NBEA: variants seen among roughly 807,000 people sequenced by gnomAD.
The protein encoded by NBEA is neurobeachin.
Under a neutral mutation model 343.4 loss-of-function variants are expected in NBEA, and 44 were observed. That is an observed-to-expected ratio of 0.13 (90% CI 0.10 to 0.16). The LOEUF is 0.16. Among genes scored for constraint, NBEA ranks in the 10% least tolerant of loss-of-function variants. The pLI, the probability that NBEA is intolerant of heterozygous loss-of-function variation, is 1.00. For synonymous variants in NBEA, 1,175 were observed against 1,238.7 expected, an observed-to-expected ratio of 0.95 and a Z score of 1.08; for missense variants, 2,555 against 3,631.3, an observed-to-expected ratio of 0.70 and a Z score of 7.62.
chr13:35,661,966 A>G lies in NBEA; in HGVS notation c.8363-3119A>G, dbSNP rs548282149. On this transcript the variant is annotated intron_variant, in intron 55 of 58. Coordinates refer to ENST00000379939, the MANE Select transcript of NBEA (RefSeq NM_001385012.1). Reference sequence around the variant, plus strand: ...CTGGCTTTGTTTAGTTCTAAATCAGAAAGACCACAGCTTCCCCTGCATATC... The same window carrying G: ...CTGGCTTTGTTTAGTTCTAAATCAGGAAGACCACAGCTTCCCCTGCATATC... Among the ~76,000 whole-genome samples, 5 of 152,298 alleles carry G rather than the reference A, an allele frequency of 3.3e-5. No homozygotes were observed. In the South Asian group the frequency reaches 1.0e-3, roughly 32 times the overall value.
chr13:35,666,901 C>T (rs190041702), intron 56 of NBEA, among the ~76,000 whole-genome samples: 40 of 152,180 alleles, frequency 2.6e-4, no homozygotes, highest in Admixed American at 1.0e-3. Flanking sequence ...ACATTTTATG[C>T]GTATGGATGA....
At chr13:35,160,649 A>G (rs1217200468) in intron 22 of NBEA, among the ~76,000 whole-genome samples, 1 of 152,188 alleles carries the variant, frequency 6.6e-6, no homozygotes, top group African/African-American at 2.4e-5. Context: ...TTTCTGTTCA[A>G]CCACATGAAT....
chr13:35,245,633 AG>A (rs2031069260), intron 34 of NBEA, among the ~76,000 whole-genome samples: 1 of 152,156 alleles, frequency 6.6e-6, no homozygotes, highest in Non-Finnish European at 1.5e-5. Context: ...TCTAGCTTGT[AG>A]GGTTTCTGCT....
intron 38 of NBEA, among the ~76,000 whole-genome samples, chr13:35,394,911 T>C (rs1225737599): frequency 6.6e-6 from 1 of 152,216 alleles, no homozygotes; most frequent in African/African-American, 2.4e-5. Context: ...AGTTTCCTTC[T>C]ACACACTGCC....
chr13:35,306,701 CTCTT>C (rs1400724613), intron 35 of NBEA, among the ~76,000 whole-genome samples: 1 of 151,976 alleles, frequency 6.6e-6, no homozygotes, highest in African/African-American at 2.4e-5. Flanking sequence ...AGGGTCCTTT[CTCTT>C]TCTGTTTTCC....
chr13:35,574,895 G>A (rs769113153), intron 45 of NBEA, among the ~76,000 whole-genome samples: 3 of 151,786 alleles, frequency 2.0e-5, no homozygotes, highest in Admixed American at 6.6e-5. Context: ...GATTAAAGGC[G>A]TGCACCACCA....
chr13:35,670,456 G>T (rs74042815), intron 58 of NBEA, among the ~76,000 whole-genome samples: 1 of 152,162 alleles, frequency 6.6e-6, no homozygotes, highest in South Asian at 2.1e-4. Context: ...TTGCCTTTAC[G>T]TCCAGGGAGA....
intron 1 of NBEA, among the ~76,000 whole-genome samples, chr13:34,992,264 T>TA (rs1555269629): frequency 2.0e-3 from 143 of 70,942 alleles, no homozygotes; most frequent in East Asian, 6.9e-3. Context: ...ATATATATAT[T>TA]TTTTTTTTTA....
intron 34 of NBEA, among the ~76,000 whole-genome samples, chr13:35,283,934 T>C (rs2035232738): frequency 6.6e-6 from 1 of 152,052 alleles, no homozygotes; most frequent in African/African-American, 2.4e-5. Context: ...TATGCATATG[T>C]TTTTCTTTTT....
At chr13:35,254,611 C>T (rs551413945) in intron 34 of NBEA, among the ~76,000 whole-genome samples, 3 of 151,992 alleles carry the variant, frequency 2.0e-5, no homozygotes, top group East Asian at 3.9e-4. Flanking sequence ...CATGAGCCAC[C>T]GTGCCAGGCC....
At chr13:35,218,159 C>T (rs2074167099) in intron 33 of NBEA, among the ~76,000 whole-genome samples, 1 of 152,062 alleles carries the variant, frequency 6.6e-6, no homozygotes, top group African/African-American at 2.4e-5. Context: ...TAGTCCTGTA[C>T]TCCCTGTATT....
At chr13:35,444,081 T>C (rs1001018370) in intron 39 of NBEA, among the ~76,000 whole-genome samples, 1 of 151,972 alleles carries the variant, frequency 6.6e-6, no homozygotes, top group African/African-American at 2.4e-5. Context: ...ATTACTTTTA[T>C]CTCACAGATA....
At chr13:35,133,025 A>G (rs568800448) in intron 17 of NBEA, among the ~76,000 whole-genome samples, 1 of 152,298 alleles carries the variant, frequency 6.6e-6, no homozygotes, top group South Asian at 2.1e-4. Flanking sequence ...GATAAATTTG[A>G]CCATTAGAAT....
chr13:35,358,464 C>T (rs2040620181), intron 38 of NBEA, among the ~76,000 whole-genome samples: 1 of 152,016 alleles, frequency 6.6e-6, no homozygotes, highest in East Asian at 1.9e-4. Flanking sequence ...AACCTGTAAT[C>T]CCAGCACTTT....
intron 1 of NBEA, among the ~76,000 whole-genome samples, chr13:35,017,760 A>G (rs1373225919): frequency 2.0e-5 from 3 of 152,022 alleles, no homozygotes; most frequent in African/African-American, 7.2e-5. Context: ...TTGTCTTTCC[A>G]TTTTCTTAAT....
intron 1 of NBEA, among the ~76,000 whole-genome samples, chr13:35,019,339 C>G (rs903293651): frequency 2.4e-4 from 36 of 151,332 alleles, no homozygotes; most frequent in African/African-American, 8.7e-4. Flanking sequence ...ACTGTGTCAC[C>G]CAGGCTGGAG....
intron 34 of NBEA, among the ~76,000 whole-genome samples, chr13:35,254,688 T>A (rs1386225676): frequency 6.6e-6 from 1 of 152,048 alleles, no homozygotes; most frequent in African/African-American, 2.4e-5. Flanking sequence ...TTTTAAAAAT[T>A]TTTTTTCAAG....
intron 49 of NBEA, among the ~76,000 whole-genome samples, chr13:35,630,830 G>A (rs1182698076): frequency 6.6e-6 from 1 of 152,126 alleles, no homozygotes; most frequent in Non-Finnish European, 1.5e-5. Flanking sequence ...ACTCAAGATT[G>A]CTTAGGAAGA....
intron 34 of NBEA, among the ~76,000 whole-genome samples, chr13:35,267,596 A>T (rs939596651): frequency 6.6e-6 from 1 of 151,884 alleles, no homozygotes; most frequent in Admixed American, 6.6e-5. Context: ...ATATTTGCAA[A>T]TCTTTTATCT....
Sources: gnomAD v4.1 joint callset for allele counts (sites outside exome capture counted in the v4.1 genomes callset) on GRCh38, gnomAD v4.1.1 for gene constraint, MANE v1.5 for transcripts, NCBI Gene and HGNC (gene_info 2026-07-23, HGNC 2026-07-21) for gene names.